Variants in SPMIP4 observed in about 807,000 individuals in gnomAD.
SPMIP4 encodes the protein sperm microtubule inner protein 4, also known as sperm-associated microtubule inner protein 4.
the SPMIP4 span, among the ~76,000 whole-genome samples, chr7:25,137,400 C>T: frequency 1.3e-5 from 2 of 150,806 alleles, no homozygotes; most frequent in Non-Finnish European, 2.9e-5. Context: ...TAGAGTAATG[C>T]GAACCTCATG....
At chr7:25,151,719 G>T in the SPMIP4 span, 1 of 1,155,134 alleles carries the variant, frequency 8.7e-7, no homozygotes, top group Non-Finnish European at 1.3e-6. Context: ...AATAAGAACA[G>T]TCTTTTAGAG....
At chr7:25,136,223 G>A in the SPMIP4 span, 2 of 1,614,084 alleles carry the variant, frequency 1.2e-6, no homozygotes, top group Non-Finnish European at 1.7e-6. The surrounding 1 kb of genome is among the most constrained non-coding windows in gnomAD (Gnocchi z 5.7). Context: ...TCTTCTTCTG[G>A]CTTACTTAAA....
chr7:25,139,735 C>T, the SPMIP4 span, among the ~76,000 whole-genome samples: 1 of 152,142 alleles, frequency 6.6e-6, no homozygotes, highest in Non-Finnish European at 1.5e-5. Flanking sequence ...TAAAAAAGGA[C>T]AGGACTTATC....
chr7:25,142,722 A>G, the SPMIP4 span: 9 of 1,611,236 alleles, frequency 5.6e-6, no homozygotes, highest in Non-Finnish European at 7.6e-6. Flanking sequence ...CAGAGCAAAT[A>G]GGGTCCCATG....
the SPMIP4 span, among the ~76,000 whole-genome samples, chr7:25,143,343 G>A: frequency 6.6e-6 from 1 of 152,194 alleles, no homozygotes; most frequent in African/African-American, 2.4e-5. Flanking sequence ...GAGTGAATAA[G>A]TGAGTTTCAC....
the SPMIP4 span, chr7:25,179,205 G>A: frequency 4.3e-6 from 7 of 1,611,868 alleles, no homozygotes; most frequent in Admixed American, 3.3e-5. Context: ...GCGAGTAACC[G>A]TCTGGAGGGG....
the SPMIP4 span, among the ~76,000 whole-genome samples, chr7:25,168,986 C>T: frequency 2.9e-3 from 445 of 152,070 alleles, 1 homozygote; most frequent in African/African-American, 0.01. Flanking sequence ...CTCGGCCTCC[C>T]AAAGTGCTTG....
chr7:25,142,206 C>T, the SPMIP4 span: 1 of 1,510,306 alleles, frequency 6.6e-7, no homozygotes, highest in East Asian at 2.3e-5. Flanking sequence ...AGCACTCTCC[C>T]CCAAAATAAC....
At chr7:25,152,651 C>A in the SPMIP4 span, among the ~76,000 whole-genome samples, 1 of 151,420 alleles carries the variant, frequency 6.6e-6, no homozygotes, top group Admixed American at 6.6e-5. Context: ...AACTTCCTAA[C>A]TTCTTTCCTT....
the SPMIP4 span, chr7:25,135,469 A>G: frequency 2.2e-5 from 22 of 985,922 alleles, no homozygotes; most frequent in African/African-American, 3.7e-4. Flanking sequence ...AGAGGTGTCC[A>G]TCCCTCAATT....
chr7:25,142,724 G>T, the SPMIP4 span: 1 of 1,610,032 alleles, frequency 6.2e-7, no homozygotes. Context: ...GAGCAAATAG[G>T]GTCCCATGAA....
chr7:25,138,716 G>A, the SPMIP4 span, among the ~76,000 whole-genome samples: 2 of 152,144 alleles, frequency 1.3e-5, no homozygotes, highest in Non-Finnish European at 2.9e-5. This position sits in a 1 kb window ranked among gnomAD's most constrained non-coding sequence, Gnocchi z 6.2. Flanking sequence ...TTTGAAAAAT[G>A]GTTTTGAAGT....
At chr7:25,165,671 G>T in the SPMIP4 span, among the ~76,000 whole-genome samples, 1 of 152,190 alleles carries the variant, frequency 6.6e-6, no homozygotes, top group African/African-American at 2.4e-5. Flanking sequence ...TTGAAGCAAC[G>T]GTCCTCCAAC....
the SPMIP4 span, among the ~76,000 whole-genome samples, chr7:25,173,151 G>A: frequency 2.0e-5 from 3 of 152,144 alleles, no homozygotes; most frequent in Non-Finnish European, 4.4e-5. The surrounding 1 kb of genome is among the most constrained non-coding windows in gnomAD (Gnocchi z 4.4). Flanking sequence ...GAAAGAGAAA[G>A]AGGTATGGAC....
chr7:25,170,580 G>T, the SPMIP4 span, among the ~76,000 whole-genome samples: 2 of 152,098 alleles, frequency 1.3e-5, no homozygotes, highest in Non-Finnish European at 2.9e-5. Context: ...TGTGCTTTTG[G>T]AGTCATATCT....
At chr7:25,133,861 TTTAAC>T in the SPMIP4 span, among the ~76,000 whole-genome samples, 1 of 152,196 alleles carries the variant, frequency 6.6e-6, no homozygotes, top group East Asian at 1.9e-4. Context: ...GTTCTTTTGA[TTTAAC>T]TTTTCTGTAC....
chr7:25,174,606 A>T, the SPMIP4 span, among the ~76,000 whole-genome samples: 1 of 152,214 alleles, frequency 6.6e-6, no homozygotes, highest in Non-Finnish European at 1.5e-5. The surrounding 1 kb of genome is among the most constrained non-coding windows in gnomAD (Gnocchi z 4.5). Context: ...TAAGAGTCGG[A>T]CAACAGCAAA....
chr7:25,169,392 C>T, the SPMIP4 span, among the ~76,000 whole-genome samples: 3 of 152,172 alleles, frequency 2.0e-5, no homozygotes, highest in African/African-American at 7.2e-5. Flanking sequence ...CCCACCCTCA[C>T]TCTTTCCCTC....
chr7:25,134,527 T>C, the SPMIP4 span, among the ~76,000 whole-genome samples: 520 of 152,336 alleles, frequency 3.4e-3, 14 homozygotes, highest in Admixed American at 0.033. Flanking sequence ...AGCATGACTA[T>C]GACAATGCCT....
Sources: gnomAD v4.1 joint callset for allele counts (sites outside exome capture counted in the v4.1 genomes callset) on GRCh38, gnomAD v4.1.1 for gene constraint, Gnocchi (gnomAD v3.1) non-coding constraint, MANE v1.5 for transcripts, NCBI Gene and HGNC (gene_info 2026-07-23, HGNC 2026-07-21) for gene names.